LMO7: variants seen among roughly 807,000 people sequenced by gnomAD.
The protein encoded by LMO7 is LIM domain only protein 7.
Under a neutral mutation model 206.5 loss-of-function variants are expected in LMO7, and 120 were observed. The observed-to-expected ratio is 0.58, with a 90% CI of 0.50 to 0.68. LMO7 has a LOEUF of 0.68. Among genes scored for constraint, LMO7 ranks in the 30% least tolerant of loss-of-function variants. The pLI is 0.00. For missense variants in LMO7, 1,959 were observed against 1,957.9 expected (o/e 1.00, Z -0.01); for synonymous variants, 706 against 681.5 (o/e 1.04, Z -0.56).
At position 75,807,719 on chromosome 13, in the gene LMO7, G is replaced by A. The variant is rs372735020; in HGVS notation, c.1436G>A (p.Arg479Gln). Reference protein sequence around the residue: ...GAFHANPYVLRAFEDFRKFSE... With the variant: ...GAFHANPYVLQAFEDFRKFSE... Reference sequence around the variant, plus strand: ...TTCCATGCAAATCCATATGTTCTCCGAGCTTTTGAAGACTTTAGAAAGTTC... The same window carrying A: ...TTCCATGCAAATCCATATGTTCTCCAAGCTTTTGAAGACTTTAGAAAGTTC... The change falls in exon 10 of 31, where the codon CGA (arginine) becomes CAA (glutamine). Residue 479 changes from arginine (R) to glutamine (Q), a missense_variant. Physicochemically the swap from Arg to Gln is conservative, Grantham distance 43. Transcript: ENST00000377534. 19 of 1,613,852 alleles carry A rather than the reference G, an allele frequency of 1.2e-5. No homozygotes were observed. The highest frequency in any genetic ancestry group is 1.5e-5 in the Non-Finnish European group (18 of 1,179,898).
intron 1 of LMO7, among the ~76,000 whole-genome samples, chr13:75,701,819 A>C (rs1215666805): frequency 2.4e-4 from 37 of 152,218 alleles, no homozygotes; most frequent in Admixed American, 2.4e-3. Flanking sequence ...TAAAACTAGC[A>C]CATTTTGTAT....
At position 75,849,256 on chromosome 13, in the gene LMO7, A is replaced by G. The variant is rs781380282; in HGVS notation, c.4328A>G (p.Asn1443Ser). The change falls in exon 27 of 31, where the codon AAC (asparagine) becomes AGC (serine). Residue 1443 changes from asparagine to serine, a missense_variant. Asn to Ser is a conservative substitution (Grantham distance 46, BLOSUM62 1). Coordinates refer to ENST00000377534, the MANE Select transcript of LMO7 (RefSeq NM_001306080.2). ...ATCCGACAGCGCAGTGCCAGTGTCA[A>G]CAAAGAGCCTGTTAGTCTTCCTGGG... ...SWIRQRSASV[N>S]KEPVSLPGIM... is the part of the protein sequence containing the mutation. 5.6e-6 allele frequency: 9 copies of G among 1,614,048 alleles called. No individual in the cohort carries two copies. In the South Asian group the frequency reaches 6.6e-5, roughly 12 times the overall value.
intron 4 of LMO7, among the ~76,000 whole-genome samples, chr13:75,777,016 G>A (rs951619854): frequency 6.6e-6 from 1 of 152,256 alleles, no homozygotes; most frequent in Non-Finnish European, 1.5e-5. Context: ...CCCAGATGAG[G>A]TGAGGTGGCG....
At chr13:75,699,046 C>T (rs1303286726) in intron 1 of LMO7, among the ~76,000 whole-genome samples, 3 of 152,162 alleles carry the variant, frequency 2.0e-5, no homozygotes, top group Admixed American at 6.5e-5. Flanking sequence ...GGACATTTCA[C>T]GTAAATAGAA....
At position 75,821,265 on chromosome 13, in the gene LMO7, A is replaced by G; in HGVS notation, c.2296A>G (p.Thr766Ala). Residue 766 changes from threonine to alanine, a missense_variant, in exon 14 of 31, where the codon ACA becomes GCA. By Grantham distance (58) the Thr-to-Ala change is moderately conservative. Transcript: ENST00000377534. ...DVLEEGKRPP[T>A]MTVSEASYQS... The stretch of plus-strand genomic sequence containing the variant: ...GCTGGAGGAAGGAAAGCGACCCCCT[A>G]CAATGACTGTGTCAGAAGCAAGTTA... 6.2e-7 allele frequency: 1 copy of G among 1,614,026 alleles called. No individual in the cohort carries two copies. The highest frequency in any genetic ancestry group is 8.5e-7 in the Non-Finnish European group (1 of 1,179,892).
chr13:75,635,498 A>G (rs1257353292), upstream of LMO7, among the ~76,000 whole-genome samples: 1 of 151,328 alleles, frequency 6.6e-6, no homozygotes, highest in Non-Finnish European at 1.5e-5. Context: ...ATAACCTGCC[A>G]CCTCGCTGTC....
chr13:75,819,240 A>G, intron 12 of LMO7, 153 bp from the exon 13 acceptor site: 1 of 706,318 alleles, frequency 1.4e-6, no homozygotes. Flanking sequence ...TGGTACAGAA[A>G]CGCTGGCTAT....
At position 75,761,010 on chromosome 13, in the gene LMO7, C is replaced by T. The variant is rs771806951; in HGVS notation, c.289C>T (p.Gln97Ter). The change falls in exon 4 of 31, where the codon CAG becomes TAG. Residue 97 changes from glutamine (Q) to a stop codon, truncating the protein, a stop_gained. Coordinates refer to ENST00000377534, the MANE Select transcript of LMO7 (RefSeq NM_001306080.2). LOFTEE classifies it high-confidence loss of function. The stretch of plus-strand genomic sequence containing the variant: ...CCAGCTTTTCCATCCTGGAGATCTA[C>T]AGGATTTATCAAATCGAGTCACTGT... The part of the protein sequence containing the change: ...EAQLFHPGDL[Q>*]DLSNRVTVKQ... 5.0e-6 allele frequency: 8 copies of T among 1,607,440 alleles called. No homozygotes were observed. Among genetic ancestry groups the T allele is most frequent in the South Asian group, 1.1e-5 (1 of 90,982 alleles).
At chr13:75,771,530 TA>T (rs1438515980) in intron 4 of LMO7, among the ~76,000 whole-genome samples, 1 of 33,356 alleles carries the variant, frequency 3.0e-5, no homozygotes, top group East Asian at 1.3e-3. Flanking sequence ...CTGAAACCTT[TA>T]AAAATAGAAT....
chr13:75,777,267 A>G (rs1455051770), intron 4 of LMO7, among the ~76,000 whole-genome samples: 1 of 152,236 alleles, frequency 6.6e-6, no homozygotes, highest in Non-Finnish European at 1.5e-5. Context: ...CGGATTTAGG[A>G]ATCTGTATAA....
chr13:75,842,886 A>G lies in LMO7; in HGVS notation c.4067A>G (p.Glu1356Gly). 1 of 1,608,256 alleles carries G rather than the reference A, an allele frequency of 6.2e-7. No homozygotes were observed. Among genetic ancestry groups the G allele is most frequent in the Non-Finnish European group, 8.5e-7 (1 of 1,175,022 alleles). ...TCCTATGATATACCAAAGACAGAAG[A>G]AGCATCTTCAGGTTTTCTTCCTGGT... ...VDSYDIPKTEEASSGFLPGDR... is the reference protein window; with the variant it reads ...VDSYDIPKTEGASSGFLPGDR... Residue 1356 changes from glutamate (E) to glycine (G), a missense_variant, in exon 25 of 31, where the codon GAA (glutamate) becomes GGA (glycine). Glu to Gly is a moderately conservative substitution (Grantham distance 98). Transcript: ENST00000377534.
At chr13:75,751,251 C>T (rs187638272) in intron 3 of LMO7, among the ~76,000 whole-genome samples, 260 of 146,742 alleles carry the variant, frequency 1.8e-3, no homozygotes, top group African/African-American at 6.4e-3. Flanking sequence ...AGCTCCACCT[C>T]CCAGGTTCAC....
At chr13:75,782,764 A>G (rs142605288) in intron 4 of LMO7, among the ~76,000 whole-genome samples, 21 of 152,262 alleles carry the variant, frequency 1.4e-4, no homozygotes, top group African/African-American at 4.8e-4. Flanking sequence ...CACTGCTCCA[A>G]TCTCTGCCTC....
At chr13:75,831,550 G>T (rs1251006729) in intron 15 of LMO7, among the ~76,000 whole-genome samples, 2 of 152,120 alleles carry the variant, frequency 1.3e-5, no homozygotes, top group African/African-American at 4.8e-5. Context: ...CATGGTTCTG[G>T]TGGCTGGAAA....
intron 15 of LMO7, among the ~76,000 whole-genome samples, chr13:75,824,097 T>C (rs2057877489): frequency 6.6e-6 from 1 of 152,216 alleles, no homozygotes; most frequent in East Asian, 1.9e-4. Context: ...GGAGACTTTG[T>C]GCACCAGTCT....
At chr13:75,788,338 C>T (rs1244877255) in intron 4 of LMO7, among the ~76,000 whole-genome samples, 2 of 151,424 alleles carry the variant, frequency 1.3e-5, no homozygotes, top group Non-Finnish European at 2.9e-5. Flanking sequence ...GGGCTAATCC[C>T]AGCTACTTGG....
chr13:75,802,654 C>A (rs2054907621), intron 7 of LMO7, among the ~76,000 whole-genome samples: 2 of 152,144 alleles, frequency 1.3e-5, no homozygotes, highest in Non-Finnish European at 2.9e-5. Flanking sequence ...TGTCACATCC[C>A]TTTCTGATCT....
At chr13:75,854,551 G>C (rs1376434930) in intron 28 of LMO7, among the ~76,000 whole-genome samples, 1 of 152,068 alleles carries the variant, frequency 6.6e-6, no homozygotes, top group Non-Finnish European at 1.5e-5. Flanking sequence ...CTTAAGCGCC[G>C]TGCTCATGCT....
chr13:75,696,411 A>T (rs1302712766), intron 1 of LMO7, among the ~76,000 whole-genome samples: 2 of 152,186 alleles, frequency 1.3e-5, no homozygotes, highest in East Asian at 3.9e-4. Context: ...AAGCTGTGAG[A>T]TGAGATGATG....
Sources: gnomAD v4.1 joint callset for allele counts (sites outside exome capture counted in the v4.1 genomes callset) on GRCh38, gnomAD v4.1.1 for gene constraint, MANE v1.5 for transcripts, NCBI Gene and HGNC (gene_info 2026-07-23, HGNC 2026-07-21) for gene names.